Variants in CACNA2D1 observed in about 807,000 individuals in gnomAD.
CACNA2D1 encodes voltage-dependent calcium channel subunit alpha-2/delta-1.
Under a neutral mutation model 171.5 loss-of-function variants are expected in CACNA2D1, and 53 were observed. That is an observed-to-expected ratio of 0.31 (90% CI 0.25 to 0.39). The LOEUF is 0.39. Among genes scored for constraint, CACNA2D1 ranks in the 10% least tolerant of loss-of-function variants. CACNA2D1 has a pLI of 1.00. For synonymous variants in CACNA2D1, 442 were observed against 443.1 expected (o/e 1.00, Z 0.03); for missense variants, 903 against 1,299.8 (o/e 0.69, Z 4.69).
intron 2 of CACNA2D1, among the ~76,000 whole-genome samples, chr7:82,344,381 G>C (rs1819014438): frequency 6.6e-6 from 1 of 152,202 alleles, no homozygotes; most frequent in Non-Finnish European, 1.5e-5. Context: ...TATATGTTTA[G>C]AGTAACAATA....
chr7:82,350,595 G>A (rs990640143), intron 1 of CACNA2D1, among the ~76,000 whole-genome samples: 11 of 152,294 alleles, frequency 7.2e-5, no homozygotes, highest in African/African-American at 2.6e-4. Context: ...AACCCAAGAG[G>A]CGGAGCTTGC....
chr7:82,000,896 T>A (rs1798545461), intron 18 of CACNA2D1, among the ~76,000 whole-genome samples: 1 of 142,946 alleles, frequency 7.0e-6, no homozygotes, highest in Non-Finnish European at 1.5e-5. Flanking sequence ...CCCAAAGTGT[T>A]GGGATTATAG....
chr7:82,060,053 G>A (rs1185079363), intron 10 of CACNA2D1, among the ~76,000 whole-genome samples: 1 of 103,408 alleles, frequency 9.7e-6, no homozygotes, highest in African/African-American at 3.6e-5. Flanking sequence ...GCTAAATGAC[G>A]AGTTAATAGG....
At chr7:82,295,510 ATTTC>A (rs932146923) in intron 3 of CACNA2D1, among the ~76,000 whole-genome samples, 29 of 151,428 alleles carry the variant, frequency 1.9e-4, no homozygotes, top group Admixed American at 1.3e-3. Flanking sequence ...TACCTCGCTA[ATTTC>A]TTTCTTTCTT....
chr7:82,204,480 A>G (rs1799810723), intron 3 of CACNA2D1, among the ~76,000 whole-genome samples: 1 of 152,116 alleles, frequency 6.6e-6, no homozygotes, highest in South Asian at 2.1e-4. Flanking sequence ...GGAAATAAAA[A>G]CCTGGCTTAA....
At chr7:82,283,267 G>A (rs1810350086) in intron 3 of CACNA2D1, among the ~76,000 whole-genome samples, 10 of 152,050 alleles carry the variant, frequency 6.6e-5, no homozygotes, top group Admixed American at 6.6e-4. Flanking sequence ...TGTTTTATGA[G>A]ACATTTACAA....
chr7:82,037,998 G>A (rs1017968150), intron 11 of CACNA2D1, 79 bp downstream of exon 11: 15 of 1,361,314 alleles, frequency 1.1e-5, no homozygotes, highest in East Asian at 2.3e-5. Flanking sequence ...ATCCCAGAGA[G>A]TAGTAACTAT....
intron 3 of CACNA2D1, among the ~76,000 whole-genome samples, chr7:82,291,513 T>A (rs892776886): frequency 1.2e-4 from 16 of 138,254 alleles, no homozygotes; most frequent in African/African-American, 4.3e-4. Flanking sequence ...TAGATAGATC[T>A]ATATATAGAT....
At position 82,419,160 on chromosome 7, in the gene CACNA2D1, A is replaced by G. The variant is rs1159435214; in HGVS notation, c.95+24205T>C. On this transcript the variant is annotated intron_variant, in intron 1 of 38. Transcript: ENST00000356860. Reference sequence around the variant, plus strand: ...TACATGCCTAAAAGTAAAGCGTCACACTGTCATGAGCCTGTCCCCAAAGTA... The same window carrying G: ...TACATGCCTAAAAGTAAAGCGTCACGCTGTCATGAGCCTGTCCCCAAAGTA... Among the ~76,000 whole-genome samples, 8 of 151,872 alleles carry G rather than the reference A, an allele frequency of 5.3e-5. No homozygotes were observed. In the East Asian group the frequency reaches 1.4e-3, roughly 26 times the overall value.
intron 5 of CACNA2D1, among the ~76,000 whole-genome samples, chr7:82,128,927 T>C (rs1431312306): frequency 6.6e-6 from 1 of 151,952 alleles, no homozygotes; most frequent in Non-Finnish European, 1.5e-5. Flanking sequence ...AGGCTGAAAG[T>C]AGACAATAAG....
At chr7:81,960,199 C>A (rs1254516276) in intron 36 of CACNA2D1, among the ~76,000 whole-genome samples, 2 of 151,936 alleles carry the variant, frequency 1.3e-5, no homozygotes, top group African/African-American at 2.4e-5. Context: ...GATAACACAA[C>A]AGGGAATACA....
In CACNA2D1 at chr7:82,443,301, AC is replaced by A. The variant is rs1256411277; in HGVS notation, c.95+63del. On this transcript the variant is annotated intron_variant, in intron 1 of 38. Transcript: ENST00000356860. ...GAAAAGCCCCGCGACTCGGGAACCG[AC>A]CCCCACCCCCAACTCCCGCGGCGCC... 7.0e-6 allele frequency: 10 copies of A among 1,419,474 alleles called. No individual in the cohort carries two copies. The African/African-American group carries it at 1.5e-4, about 21-fold the overall frequency. The allele number at this position is 1,419,474 out of a possible 1,614,324, so 87.9% of individuals were successfully genotyped here. A position where few individuals can be genotyped will look rare whatever the true frequency, so the allele number is the denominator to read the frequency against.
intron 2 of CACNA2D1, among the ~76,000 whole-genome samples, chr7:82,342,685 A>G (rs1352750883): frequency 6.6e-6 from 1 of 152,204 alleles, no homozygotes; most frequent in African/African-American, 2.4e-5. Context: ...ATTCAGAGGA[A>G]ATTAAGATCA....
At chr7:82,290,722 G>A (rs894413030) in intron 3 of CACNA2D1, among the ~76,000 whole-genome samples, 6 of 151,298 alleles carry the variant, frequency 4.0e-5, no homozygotes, top group Admixed American at 1.3e-4. Context: ...TCAGCCTCCC[G>A]AGCAGCTGGG....
At chr7:82,354,407 G>A (rs1820200179) in intron 1 of CACNA2D1, among the ~76,000 whole-genome samples, 1 of 152,096 alleles carries the variant, frequency 6.6e-6, no homozygotes, top group South Asian at 2.1e-4. Flanking sequence ...GGAAGTGGGG[G>A]ATGAATTAAG....
chr7:82,350,151 T>G (rs949404014), intron 1 of CACNA2D1, among the ~76,000 whole-genome samples: 1 of 152,218 alleles, frequency 6.6e-6, no homozygotes, highest in Non-Finnish European at 1.5e-5. Context: ...TTATATAAAA[T>G]GCATATCTCT....
chr7:82,407,203 T>C (rs1323559275), intron 1 of CACNA2D1, among the ~76,000 whole-genome samples: 3 of 152,294 alleles, frequency 2.0e-5, no homozygotes, highest in East Asian at 3.9e-4. Context: ...AGCACACATA[T>C]AAGGTGTGTG....
At chr7:82,167,696 C>G (rs769214725) in intron 4 of CACNA2D1, among the ~76,000 whole-genome samples, 2 of 152,070 alleles carry the variant, frequency 1.3e-5, no homozygotes, top group Non-Finnish European at 2.9e-5. Context: ...ACATCATTCA[C>G]GGTCCTTCAG....
At chr7:82,168,185 G>A (rs1795661401) in intron 4 of CACNA2D1, among the ~76,000 whole-genome samples, 1 of 151,982 alleles carries the variant, frequency 6.6e-6, no homozygotes, top group African/African-American at 2.4e-5. Context: ...CTGTTGCCCA[G>A]GCTGGAGTAG....
Sources: allele counts gnomAD v4.1 joint callset (sites outside exome capture counted in the v4.1 genomes callset), GRCh38; gene constraint gnomAD v4.1.1; transcripts MANE v1.5; gene names NCBI Gene and HGNC (gene_info 2026-07-23, HGNC 2026-07-21).